The following CLEC2A variants were observed in gnomAD, a reference collection of about 807,000 sequenced individuals.
CLEC2A encodes the protein keratinocyte-associated C-type lectin.
Under a neutral mutation model 18.6 loss-of-function variants are expected in CLEC2A, and 19 were observed. The observed-to-expected ratio is 1.02, with a 90% CI of 0.71 to 1.50. The LOEUF (loss-of-function observed/expected upper bound fraction) is 1.50. Ranked by LOEUF, CLEC2A falls within the 40% of genes most tolerant of loss-of-function variation. The pLI, the probability that CLEC2A is intolerant of heterozygous loss-of-function variation, is 0.00. For missense variants in CLEC2A, 190 were observed against 207.9 expected (o/e 0.91, Z 0.53); for synonymous variants, 74 against 64.0 (o/e 1.16, Z -0.75).
intron 4 of CLEC2A, among the ~76,000 whole-genome samples, chr12:9,901,262 G>GC (rs1239785535): frequency 1.1e-4 from 17 of 152,130 alleles, no homozygotes; most frequent in African/African-American, 3.9e-4. Context: ...TCAGAGATCT[G>GC]TATTTAAGAG....
At chr12:9,912,828 G>C (rs1460744583), downstream of CLEC2A, among the ~76,000 whole-genome samples, 1 of 152,200 alleles carries the variant, frequency 6.6e-6, no homozygotes, top group East Asian at 1.9e-4. Context: ...ACTGGTGGGA[G>C]TTTCTCCCGG....
downstream of CLEC2A, among the ~76,000 whole-genome samples, chr12:9,908,725 A>C (rs1294796451): frequency 6.6e-6 from 1 of 152,110 alleles, no homozygotes; most frequent in African/African-American, 2.4e-5. Context: ...CACATTTAAA[A>C]CATCTATTCT....
chr12:9,888,103 A>G, the CLEC2A span, among the ~76,000 whole-genome samples: 2 of 151,454 alleles, frequency 1.3e-5, no homozygotes, highest in Non-Finnish European at 2.9e-5. Flanking sequence ...AATGAAAAAA[A>G]AAAAGAAAAC....
chr12:9,892,338 G>A, the CLEC2A span, among the ~76,000 whole-genome samples: 1 of 152,190 alleles, frequency 6.6e-6, no homozygotes, highest in South Asian at 2.1e-4. Context: ...CAGACATGAA[G>A]TGCAGGTTGT....
At chr12:9,922,666 A>AAGTGAAACATAAGAATT (rs2137047607) in intron 2 of CLEC2A, among the ~76,000 whole-genome samples, 1 of 152,316 alleles carries the variant, frequency 6.6e-6, no homozygotes, top group Admixed American at 6.5e-5. Flanking sequence ...GACAACACAT[A>AAGTGAAACATAAGAATT]AGTGAAACAT....
intron 4 of CLEC2A, among the ~76,000 whole-genome samples, chr12:9,904,121 T>C (rs2137018349): frequency 6.6e-6 from 1 of 152,200 alleles, no homozygotes; most frequent in African/African-American, 2.4e-5. Context: ...TCCCTTTAGG[T>C]CTCCCAGAAA....
chr12:9,888,421 C>T, the CLEC2A span, among the ~76,000 whole-genome samples: 1 of 151,588 alleles, frequency 6.6e-6, no homozygotes, highest in Non-Finnish European at 1.5e-5. Flanking sequence ...ACCTGGGAGT[C>T]GGAGCTTGCA....
At chr12:9,912,527 T>C (rs935759264), downstream of CLEC2A, among the ~76,000 whole-genome samples, 2 of 152,118 alleles carry the variant, frequency 1.3e-5, no homozygotes, top group Non-Finnish European at 1.5e-5. Context: ...CGAGCACCCA[T>C]GTTATGTGCC....
At chr12:9,881,815 T>A in the CLEC2A span, 1 of 663,060 alleles carries the variant, frequency 1.5e-6, no homozygotes, top group Non-Finnish European at 2.5e-6. Flanking sequence ...TTTAGATTCA[T>A]GAAAGCATCA....
chr12:9,921,541 T>G (rs1863173310), intron 3 of CLEC2A, among the ~76,000 whole-genome samples: 1 of 152,096 alleles, frequency 6.6e-6, no homozygotes, highest in Admixed American at 6.5e-5. Context: ...GAGCTGAGAT[T>G]GCACCACTGC....
chr12:9,913,737 A>G (rs1030226592), intron 4 of CLEC2A, 57 bp from the exon 5 acceptor site: 5 of 1,102,996 alleles, frequency 4.5e-6, no homozygotes, highest in Non-Finnish European at 5.2e-6. Flanking sequence ...AATCAAAAAG[A>G]CAATTAATAA....
the CLEC2A span, chr12:9,881,748 C>A: frequency 2.1e-6 from 2 of 972,018 alleles, no homozygotes; most frequent in Non-Finnish European, 1.6e-6. Context: ...TTTTTAACAT[C>A]TTAACATTGA....
At chr12:9,915,278 G>A (rs191500147) in intron 4 of CLEC2A, among the ~76,000 whole-genome samples, 5 of 152,246 alleles carry the variant, frequency 3.3e-5, no homozygotes, top group African/African-American at 9.6e-5. Flanking sequence ...TTCAACCATC[G>A]TAGAAGACAG....
intron 2 of CLEC2A, among the ~76,000 whole-genome samples, chr12:9,925,652 GT>G (rs1188865999): frequency 1.4e-5 from 1 of 70,528 alleles, no homozygotes; most frequent in Non-Finnish European, 2.8e-5. Flanking sequence ...TGATGTTTAT[GT>G]GGGATTTTTT....
At chr12:9,924,020 C>A (rs185024056) in intron 2 of CLEC2A, among the ~76,000 whole-genome samples, 2 of 151,674 alleles carry the variant, frequency 1.3e-5, no homozygotes, top group Non-Finnish European at 2.9e-5. Context: ...ATGTAAATGA[C>A]GAGTTAATGG....
intron 4 of CLEC2A, among the ~76,000 whole-genome samples, chr12:9,901,958 T>C (rs1862834836): frequency 6.6e-6 from 1 of 152,196 alleles, no homozygotes; most frequent in South Asian, 2.1e-4. Flanking sequence ...GAGAACCTCT[T>C]CTGCAAAATT....
chr12:9,902,906 A>G (rs1361277169), intron 4 of CLEC2A, among the ~76,000 whole-genome samples: 2 of 152,124 alleles, frequency 1.3e-5, no homozygotes, highest in Non-Finnish European at 2.9e-5. Context: ...AACTTTCTAT[A>G]TAAGGTAGAC....
chr12:9,892,979 G>T, the CLEC2A span: 1 of 1,445,780 alleles, frequency 6.9e-7, no homozygotes, highest in Non-Finnish European at 9.3e-7. Flanking sequence ...TTCCCTGTTG[G>T]CTGTAAAGTT....
chr12:9,931,490 T>A (rs1863374657), intron 1 of CLEC2A, among the ~76,000 whole-genome samples: 1 of 152,154 alleles, frequency 6.6e-6, no homozygotes, highest in South Asian at 2.1e-4. Flanking sequence ...CTGCTAGAAA[T>A]GCTGTAGCTA....
Sources: allele counts gnomAD v4.1 joint callset (sites outside exome capture counted in the v4.1 genomes callset), GRCh38; gene constraint gnomAD v4.1.1; transcripts MANE v1.5; gene names NCBI Gene and HGNC (gene_info 2026-07-23, HGNC 2026-07-21).